The following BLTP2 variants were observed in gnomAD, a reference collection of about 807,000 sequenced individuals.
The protein encoded by BLTP2 is U937-associated antigen.
the BLTP2 span, among the ~76,000 whole-genome samples, chr17:28,629,502 G>C: frequency 6.6e-6 from 1 of 151,976 alleles, no homozygotes; most frequent in African/African-American, 2.4e-5. Context: ...TTTGGAAACA[G>C]AGTCTCACTC....
the BLTP2 span, chr17:28,638,649 A>T: frequency 1.3e-6 from 2 of 1,515,880 alleles, no homozygotes; most frequent in Non-Finnish European, 9.1e-7. Flanking sequence ...GGTTCTGCAT[A>T]GGAACAAGAC....
At chr17:28,625,309 C>T in the BLTP2 span, among the ~76,000 whole-genome samples, 1 of 115,164 alleles carries the variant, frequency 8.7e-6, no homozygotes, top group South Asian at 2.7e-4. Context: ...GCACTCCAGC[C>T]TGGTGACAGA....
At chr17:28,641,148 G>A in the BLTP2 span, among the ~76,000 whole-genome samples, 1 of 152,162 alleles carries the variant, frequency 6.6e-6, no homozygotes, top group Non-Finnish European at 1.5e-5. Context: ...TGTCCCTGTG[G>A]GAACTCATGT....
At chr17:28,615,954 C>G in the BLTP2 span, 1 of 1,033,650 alleles carries the variant, frequency 9.7e-7, no homozygotes. Context: ...GATGCTGACT[C>G]TTGAGGGGAG....
the BLTP2 span, chr17:28,631,510 T>G: frequency 6.2e-7 from 1 of 1,614,044 alleles, no homozygotes; most frequent in Non-Finnish European, 8.5e-7. Context: ...ATGCCGTTGG[T>G]AGGTGAGGGA....
chr17:28,636,499 T>A, the BLTP2 span, among the ~76,000 whole-genome samples: 1 of 152,226 alleles, frequency 6.6e-6, no homozygotes, highest in East Asian at 1.9e-4. Context: ...AAATTATATA[T>A]GTCTGATACG....
chr17:28,630,927 A>G, the BLTP2 span, among the ~76,000 whole-genome samples: 2 of 152,212 alleles, frequency 1.3e-5, no homozygotes, highest in Non-Finnish European at 2.9e-5. Flanking sequence ...TTTTTAGGAG[A>G]GAAAGAAAAA....
the BLTP2 span, chr17:28,645,149 G>C: frequency 1.9e-6 from 2 of 1,049,044 alleles, no homozygotes; most frequent in Non-Finnish European, 2.5e-6. Context: ...CCGACCAGCT[G>C]CGCGCGCAGG....
At chr17:28,625,334 CAAAAAAAAAA>C in the BLTP2 span, among the ~76,000 whole-genome samples, 1 of 29,064 alleles carries the variant, frequency 3.4e-5, no homozygotes, top group Admixed American at 4.5e-4. Flanking sequence ...GACTCCGTCT[CAAAAAAAAAA>C]AAAAAAAAAA....
chr17:28,637,943 T>C, the BLTP2 span: 429 of 1,614,184 alleles, frequency 2.7e-4, 1 homozygote, highest in African/African-American at 5.3e-3. Context: ...GACAGCTGAC[T>C]TCCCAGATTG....
the BLTP2 span, chr17:28,637,301 T>C: frequency 4.0e-6 from 3 of 746,526 alleles, no homozygotes; most frequent in Non-Finnish European, 6.7e-6. Context: ...TTTCTTAGGT[T>C]TTAAGTAAAC....
the BLTP2 span, chr17:28,631,782 A>G: frequency 6.2e-7 from 1 of 1,606,552 alleles, no homozygotes; most frequent in Admixed American, 1.7e-5. Context: ...AAAAACAAGG[A>G]ACAGGATAGG....
chr17:28,634,564 A>G, the BLTP2 span: 1 of 1,614,154 alleles, frequency 6.2e-7, no homozygotes, highest in Non-Finnish European at 8.5e-7. Flanking sequence ...CCACTGAATG[A>G]CAAGATCTAA....
the BLTP2 span, chr17:28,644,888 G>C: frequency 7.3e-6 from 6 of 825,610 alleles, no homozygotes; most frequent in East Asian, 3.5e-5. Context: ...TGCCTCACGC[G>C]CCTCAGTAAG....
At chr17:28,642,275 C>T in the BLTP2 span, 1 of 1,614,082 alleles carries the variant, frequency 6.2e-7, no homozygotes, top group Non-Finnish European at 8.5e-7. Context: ...GCATACTTAC[C>T]AGCTGACCAC....
At chr17:28,641,945 T>C in the BLTP2 span, 8 of 1,614,190 alleles carry the variant, frequency 5.0e-6, no homozygotes, top group Non-Finnish European at 6.8e-6. Flanking sequence ...CAGTTGGCTC[T>C]GGAAGAGGCC....
the BLTP2 span, chr17:28,641,842 A>C: frequency 6.5e-7 from 1 of 1,537,330 alleles, no homozygotes. Flanking sequence ...TTCCAAAACA[A>C]ACCCTGAGAA....
the BLTP2 span, chr17:28,642,110 T>A: frequency 6.2e-7 from 1 of 1,605,636 alleles, no homozygotes; most frequent in South Asian, 1.1e-5. Flanking sequence ...AAGGTGTATG[T>A]AAGAAAGTTT....
the BLTP2 span, chr17:28,638,239 A>G: frequency 6.2e-7 from 1 of 1,608,622 alleles, no homozygotes; most frequent in Admixed American, 1.7e-5. Context: ...TATTCACCAA[A>G]GCCCTCACCT....
Sources: gnomAD v4.1 joint callset for allele counts (sites outside exome capture counted in the v4.1 genomes callset) on GRCh38, gnomAD v4.1.1 for gene constraint, MANE v1.5 for transcripts, NCBI Gene and HGNC (gene_info 2026-07-23, HGNC 2026-07-21) for gene names.